Variants in RECQL5 observed in about 807,000 individuals in gnomAD.
RECQL5 encodes the protein ATP-dependent DNA helicase Q5.
RECQL5 carries 88 observed loss-of-function variants against 103.4 expected under a neutral mutation model. That is an observed-to-expected ratio of 0.85 (90% CI 0.72 to 1.02). The LOEUF is 1.02. Ranked by LOEUF, RECQL5 falls within the 50% of genes least tolerant of loss-of-function variation. The pLI is 0.00. For missense variants in RECQL5, 1,232 were observed against 1,284.3 expected, an observed-to-expected ratio of 0.96 and a Z score of 0.62; for synonymous variants, 552 against 507.9, an observed-to-expected ratio of 1.09 and a Z score of -1.17.
Position 75,630,761 on chromosome 17 carries a change from G to A in RECQL5, c.1644+18C>T. ...GGGAGGGCCCCGGCGGGTGGCTGAGGAGCTGCCCGTCTCTTACCTTCACAG... is the reference window on the plus strand; with the variant it reads ...GGGAGGGCCCCGGCGGGTGGCTGAGAAGCTGCCCGTCTCTTACCTTCACAG... On this transcript the variant is annotated intron_variant, in intron 12 of 19. Coordinates refer to ENST00000317905, the MANE Select transcript of RECQL5 (RefSeq NM_004259.7). 1 of 1,579,470 alleles carries A rather than the reference G, an allele frequency of 6.3e-7. No homozygotes were observed. The highest frequency in any genetic ancestry group is 8.6e-7 in the Non-Finnish European group (1 of 1,160,894).
intron 18 of RECQL5, 136 bp downstream of exon 18, chr17:75,628,082 C>G (rs575491564): frequency 1.3e-6 from 1 of 754,672 alleles, no homozygotes; most frequent in Non-Finnish European, 2.2e-6. Context: ...AACGGCAAGG[C>G]AGGCCCCAGG....
In RECQL5 at chr17:75,662,829, T is replaced by G; in HGVS notation, c.421A>C (p.Thr141Pro). The G allele has an allele frequency of 6.2e-7, 1 of 1,614,030 alleles. No individual in the cohort carries two copies. Among genetic ancestry groups the G allele is most frequent in the Non-Finnish European group, 8.5e-7 (1 of 1,180,012 alleles). Reference protein sequence around the residue: ...EMAASSSFQPTLNSLVSRHLL... With the variant: ...EMAASSSFQPPLNSLVSRHLL... ...TGGCGGGACACCAGGGAGTTCAGGGTGGGCTGGAAGGAGGATGAAGCTGCC... is the reference window on the plus strand; with the variant it reads ...TGGCGGGACACCAGGGAGTTCAGGGGGGGCTGGAAGGAGGATGAAGCTGCC... Residue 141 changes from threonine to proline, a missense_variant, in exon 4 of 20, where the codon ACC becomes CCC. By Grantham distance (38) the Thr-to-Pro change is conservative. Transcript: ENST00000317905.
At chr17:75,662,346 C>CTT in intron 4 of RECQL5, 133 bp downstream of exon 4, 3 of 1,017,916 alleles carry the variant, frequency 2.9e-6, no homozygotes. Flanking sequence ...AGAGACAACT[C>CTT]TTTTTGTGCA....
intron 7 of RECQL5, among the ~76,000 whole-genome samples, chr17:75,656,131 A>G (rs776723326): frequency 6.6e-6 from 1 of 152,110 alleles, no homozygotes; most frequent in Non-Finnish European, 1.5e-5. Context: ...CTGGAATGCA[A>G]TGGCGCGATC....
rs375328138 is a variant in RECQL5, at chr17:75,628,330, G to A, written c.2693C>T (p.Thr898Met). The A allele has an allele frequency of 6.5e-5, 105 of 1,614,010 alleles. No homozygotes were observed. Among genetic ancestry groups the A allele is most frequent in the Middle Eastern group, 1.6e-4 (1 of 6,084 alleles). ...SASEQGTLNP[T>M]AQDPFQLSAP... is the part of the protein sequence containing the mutation. ...GGAGAGCTGGAAGGGGTCTTGAGCC[G>A]TGGGATTCAAGGTGCCCTGTTCGCT... The change falls in exon 18 of 20, where the codon ACG (threonine) becomes ATG (methionine). Residue 898 changes from threonine to methionine, a missense_variant. Physicochemically the swap from Thr to Met is moderately conservative, Grantham distance 81. Coordinates refer to ENST00000317905, the MANE Select transcript of RECQL5 (RefSeq NM_004259.7).
intron 2 of RECQL5, 115 bp from the exon 3 acceptor site, chr17:75,665,287 G>C: frequency 1.1e-6 from 1 of 917,782 alleles, no homozygotes; most frequent in Non-Finnish European, 1.7e-6. Flanking sequence ...CACATGGGAG[G>C]GTCTCGATGT....
intron 13 of RECQL5, 54 bp from the exon 14 acceptor site, chr17:75,630,331 T>C: frequency 1.4e-6 from 2 of 1,457,170 alleles, no homozygotes; most frequent in Admixed American, 2.3e-5. Context: ...GGCTTCTCCC[T>C]GCTGAGCTCT....
At position 75,640,388 on chromosome 17, in the gene RECQL5, T is replaced by C. The variant is rs977290035; in HGVS notation, c.1230-8720A>G. 2.0e-6 allele frequency: 3 copies of C among 1,473,032 alleles called. No individual in the cohort carries two copies. Among genetic ancestry groups the C allele is most frequent in the Non-Finnish European group, 2.7e-6 (3 of 1,106,796 alleles). 91.2% of individuals were successfully genotyped at this position (1,473,032 alleles called of 1,614,324 possible). On this transcript the variant is annotated intron_variant, in intron 8 of 19. Coordinates refer to ENST00000317905, the MANE Select transcript of RECQL5 (RefSeq NM_004259.7). This position sits in a 1 kb window ranked among gnomAD's most constrained non-coding sequence, Gnocchi z 4.6. ...CTGGCATCTGGGAGAGACCACACCATGGTGCCAGCCAGAGGGCTGGCAGAG... is the reference window on the plus strand; with the variant it reads ...CTGGCATCTGGGAGAGACCACACCACGGTGCCAGCCAGAGGGCTGGCAGAG...
intron 7 of RECQL5, among the ~76,000 whole-genome samples, chr17:75,653,528 A>G (rs762426538): frequency 3.3e-5 from 5 of 152,228 alleles, no homozygotes; most frequent in Non-Finnish European, 7.3e-5. Flanking sequence ...GTGATTATTC[A>G]TCAGCGGCCT....
chr17:75,650,748 G>A lies in RECQL5; in HGVS notation c.1229+438C>T, dbSNP rs368395072. 5.0e-5 allele frequency: 80 copies of A among 1,605,788 alleles called. No individual in the cohort carries two copies. In the African/African-American group the frequency reaches 9.7e-4, roughly 19 times the overall value. Reference sequence around the variant, plus strand: ...AGATGCAGGTAAAACAGATGCGTGAGTTCAAAGCACATGACTCCCCGAGGT... The same window carrying A: ...AGATGCAGGTAAAACAGATGCGTGAATTCAAAGCACATGACTCCCCGAGGT... On this transcript the variant is annotated intron_variant, in intron 8 of 19. Transcript: ENST00000317905.
chr17:75,642,454 C>T (rs1184290954), intron 8 of RECQL5, among the ~76,000 whole-genome samples: 1 of 152,206 alleles, frequency 6.6e-6, no homozygotes, highest in Non-Finnish European at 1.5e-5. Flanking sequence ...CTGGCAATAG[C>T]AGGCAGGGAG....
chr17:75,658,555 A>G lies in RECQL5; in HGVS notation c.987-95T>C, dbSNP rs1323928327. The stretch of plus-strand genomic sequence containing the variant: ...TGACTAGGAGAGCAGGGAGGCCAGC[A>G]GATAGGGAGGGAGAGGGATAGTCCC... On this transcript the variant is annotated intron_variant, in intron 6 of 19. Transcript: ENST00000317905. 6.0e-6 allele frequency: 7 copies of G among 1,165,454 alleles called. No homozygotes were observed. The Admixed American group carries it at 1.1e-4, about 19-fold the overall frequency. The allele number at this position is 1,165,454 out of a possible 1,614,324, so 72.2% of individuals were successfully genotyped here. A position where few individuals can be genotyped will look rare whatever the true frequency, so the allele number is the denominator to read the frequency against.
At chr17:75,664,912 CAAAAA>C (rs371470695) in intron 3 of RECQL5, 134 bp downstream of exon 3, 872 of 925,872 alleles carry the variant, frequency 9.4e-4, no homozygotes, top group South Asian at 1.4e-3. Flanking sequence ...GACTCTGTCT[CAAAAA>C]AAAAAAAAAA....
rs3177535 is a variant in RECQL5 at position 75,626,856 on chromosome 17, T to G, written c.*566A>C. Reference sequence around the variant, plus strand: ...TAAAACTCCCTGGAGAAAAGGGCTGTGTGCACGCCTGCATGCCCCACAACA... The same window carrying G: ...TAAAACTCCCTGGAGAAAAGGGCTGGGTGCACGCCTGCATGCCCCACAACA... On this transcript the variant is annotated 3_prime_UTR_variant, in exon 20 of 20. Transcript: ENST00000317905. The G allele has an allele frequency of 2.5e-6, 1 of 394,202 alleles. No homozygotes were observed. The highest frequency in any genetic ancestry group is 4.7e-6 in the Non-Finnish European group (1 of 210,724). 24.4% of individuals were successfully genotyped at this position (394,202 alleles called of 1,614,324 possible). A position where few individuals can be genotyped will look rare whatever the true frequency, so the allele number is the denominator to read the frequency against.
In RECQL5 at chr17:75,629,708, C is replaced by T. The variant is rs771116160; in HGVS notation, c.1947G>A (p.Ser649=). The change falls in exon 15 of 20, where the codon TCG becomes TCA. Residue 649 remains serine, a splice_region_variant and synonymous_variant. Coordinates refer to ENST00000317905, the MANE Select transcript of RECQL5 (RefSeq NM_004259.7). ...YDIPPASHVY[S]LKPKRVGAGF... is the part of the protein sequence containing the mutation. The stretch of plus-strand genomic sequence containing the variant: ...TGGAGGCCACTGGGCCACAGCTCAC[C>T]GAGTACACATGGGAGGCTGGTGGAA... The T allele has an allele frequency of 8.1e-6, 13 of 1,607,160 alleles. No homozygotes were observed. Among genetic ancestry groups the T allele is most frequent in the East Asian group, 2.2e-5 (1 of 44,752 alleles).
chr17:75,663,033 G>A, intron 3 of RECQL5, 36 bp from the exon 4 acceptor site: 1 of 1,545,204 alleles, frequency 6.5e-7, no homozygotes, highest in African/African-American at 1.4e-5. Flanking sequence ...CTGGCCCTCA[G>A]GACTCAGGTA....
intron 6 of RECQL5, 61 bp from the exon 7 acceptor site, chr17:75,658,521 G>A (rs2059657065): frequency 1.3e-6 from 2 of 1,524,936 alleles, no homozygotes; most frequent in Non-Finnish European, 1.8e-6. Flanking sequence ...TCCTTTGGAG[G>A]AGTAATCATG....
At chr17:75,662,352 G>A in intron 4 of RECQL5, 127 bp downstream of exon 4, 1 of 1,038,184 alleles carries the variant, frequency 9.6e-7, no homozygotes. Context: ...AACTCTTTTT[G>A]TGCACAAGTT....
chr17:75,666,755 C>A (rs2059790562), intron 1 of RECQL5, 184 bp from the exon 2 acceptor site: 27 of 594,368 alleles, frequency 4.5e-5, no homozygotes, highest in South Asian at 4.3e-4. Context: ...ATTAACATCT[C>A]CACTTTTACG....
Sources: allele counts gnomAD v4.1 joint callset (sites outside exome capture counted in the v4.1 genomes callset), GRCh38; gene constraint gnomAD v4.1.1; non-coding constraint Gnocchi (gnomAD v3.1); transcripts MANE v1.5; gene names NCBI Gene and HGNC (gene_info 2026-07-23, HGNC 2026-07-21).